The following SH3BGRL2 variants were observed in gnomAD, a reference collection of about 807,000 sequenced individuals.
SH3BGRL2 encodes the protein SH3 domain-binding glutamic acid-rich-like protein 2.
Under a neutral mutation model 14.8 loss-of-function variants are expected in SH3BGRL2, and 21 were observed. That is an observed-to-expected ratio of 1.42 (90% CI 1.01 to 2.05). The LOEUF (loss-of-function observed/expected upper bound fraction) is 2.05. Ranked by LOEUF, SH3BGRL2 falls within the 30% of genes most tolerant of loss-of-function variation. The pLI is 0.00. For missense variants in SH3BGRL2, 147 were observed against 130.8 expected, an observed-to-expected ratio of 1.12 and a Z score of -0.61; for synonymous variants, 50 against 47.8, an observed-to-expected ratio of 1.05 and a Z score of -0.19.
the SH3BGRL2 span, among the ~76,000 whole-genome samples, chr6:79,567,023 A>G: frequency 6.6e-6 from 1 of 152,174 alleles, no homozygotes; most frequent in Non-Finnish European, 1.5e-5. Flanking sequence ...GGAAGCTGGG[A>G]TAAAATATTT....
chr6:79,685,066 T>G (rs909804837), intron 2 of SH3BGRL2, among the ~76,000 whole-genome samples: 1 of 152,236 alleles, frequency 6.6e-6, no homozygotes. Context: ...TAACTCTAGC[T>G]TTTATTCTTC....
At chr6:79,579,641 C>G in the SH3BGRL2 span, among the ~76,000 whole-genome samples, 1 of 151,994 alleles carries the variant, frequency 6.6e-6, no homozygotes, top group Non-Finnish European at 1.5e-5. Flanking sequence ...CAAGAGCTCC[C>G]GAAGGAAGCA....
At chr6:79,633,585 A>T (rs1768866323) in intron 1 of SH3BGRL2, among the ~76,000 whole-genome samples, 1 of 152,178 alleles carries the variant, frequency 6.6e-6, no homozygotes, top group Admixed American at 6.5e-5. Flanking sequence ...AGACATACAC[A>T]GTTACCACAT....
chr6:79,542,357 C>T, the SH3BGRL2 span, among the ~76,000 whole-genome samples: 36 of 151,860 alleles, frequency 2.4e-4, no homozygotes, highest in South Asian at 7.3e-3. Flanking sequence ...AATGCAACCT[C>T]TGCCTCCTGG....
At chr6:79,558,477 A>G in the SH3BGRL2 span, among the ~76,000 whole-genome samples, 1 of 152,178 alleles carries the variant, frequency 6.6e-6, no homozygotes, top group Non-Finnish European at 1.5e-5. Flanking sequence ...GAGGCAATGT[A>G]TTTGAAGACA....
At chr6:79,696,847 G>T (rs1770342272) in intron 3 of SH3BGRL2, among the ~76,000 whole-genome samples, 1 of 151,980 alleles carries the variant, frequency 6.6e-6, no homozygotes, top group South Asian at 2.1e-4. Flanking sequence ...GCAAAAACTA[G>T]TAGGTGCTTT....
At chr6:79,563,608 A>T in the SH3BGRL2 span, among the ~76,000 whole-genome samples, 4 of 152,190 alleles carry the variant, frequency 2.6e-5, no homozygotes, top group Admixed American at 6.5e-5. Flanking sequence ...CTAGTCTGCC[A>T]CAGGTTGGAG....
At chr6:79,586,526 T>C in the SH3BGRL2 span, among the ~76,000 whole-genome samples, 1 of 152,300 alleles carries the variant, frequency 6.6e-6, no homozygotes, top group African/African-American at 2.4e-5. Context: ...ATAAATAAAA[T>C]GGCTTTCTGA....
the SH3BGRL2 span, among the ~76,000 whole-genome samples, chr6:79,544,779 T>C: frequency 1.3e-5 from 2 of 152,240 alleles, no homozygotes; most frequent in Admixed American, 6.5e-5. Flanking sequence ...TCCTGTTGTG[T>C]AGCAGATACT....
At chr6:79,646,594 C>T (rs1044117856) in intron 1 of SH3BGRL2, among the ~76,000 whole-genome samples, 2 of 152,050 alleles carry the variant, frequency 1.3e-5, no homozygotes, top group East Asian at 3.9e-4. Context: ...ATTGTATGTC[C>T]CAATGTGTTT....
chr6:79,603,731 A>G, the SH3BGRL2 span, among the ~76,000 whole-genome samples: 2 of 152,208 alleles, frequency 1.3e-5, no homozygotes, highest in African/African-American at 4.8e-5. Context: ...ATAGATAAGC[A>G]ACTTTCAACT....
At chr6:79,686,812 A>G (rs1255770197) in intron 2 of SH3BGRL2, among the ~76,000 whole-genome samples, 1 of 152,120 alleles carries the variant, frequency 6.6e-6, no homozygotes, top group East Asian at 1.9e-4. Flanking sequence ...TTTGAGCAGG[A>G]GGGCTAAATA....
intron 1 of SH3BGRL2, among the ~76,000 whole-genome samples, chr6:79,656,415 C>A (rs903315972): frequency 6.6e-6 from 1 of 152,158 alleles, no homozygotes. Context: ...ATTCTTCCTT[C>A]TAGAATCCAC....
the SH3BGRL2 span, among the ~76,000 whole-genome samples, chr6:79,566,334 T>G: frequency 1.3e-5 from 2 of 152,182 alleles, no homozygotes; most frequent in Non-Finnish European, 2.9e-5. Context: ...CAAGTTATAC[T>G]CAAACATGCC....
chr6:79,692,965 G>A (rs973219738), intron 2 of SH3BGRL2, among the ~76,000 whole-genome samples: 28 of 152,120 alleles, frequency 1.8e-4, no homozygotes, highest in African/African-American at 6.0e-4. Flanking sequence ...CCATTTTCAC[G>A]ATATTGATTC....
At chr6:79,673,972 G>A (rs1582731690) in intron 2 of SH3BGRL2, among the ~76,000 whole-genome samples, 173 bp downstream of exon 2, 1 of 152,072 alleles carries the variant, frequency 6.6e-6, no homozygotes, top group Non-Finnish European at 1.5e-5. Context: ...CCAAGGTCAT[G>A]GACTGTGTAT....
At chr6:79,637,411 G>C (rs1240082240) in intron 1 of SH3BGRL2, among the ~76,000 whole-genome samples, 1 of 152,078 alleles carries the variant, frequency 6.6e-6, no homozygotes, top group Non-Finnish European at 1.5e-5. Flanking sequence ...ATCAAAATGT[G>C]GCCGGGCACA....
chr6:79,615,254 A>G, the SH3BGRL2 span, among the ~76,000 whole-genome samples: 7 of 152,160 alleles, frequency 4.6e-5, no homozygotes, highest in Non-Finnish European at 7.3e-5. Flanking sequence ...GCTCAAAAGG[A>G]GATTCTGTTT....
the SH3BGRL2 span, among the ~76,000 whole-genome samples, chr6:79,554,376 A>C: frequency 1.3e-5 from 2 of 152,224 alleles, no homozygotes; most frequent in African/African-American, 4.8e-5. Flanking sequence ...GCTAAGGGAC[A>C]TAATGTATGC....
Sources: gnomAD v4.1 joint callset for allele counts (sites outside exome capture counted in the v4.1 genomes callset) on GRCh38, gnomAD v4.1.1 for gene constraint, MANE v1.5 for transcripts, NCBI Gene and HGNC (gene_info 2026-07-23, HGNC 2026-07-21) for gene names.